The following BBX variants were observed in gnomAD, a reference collection of about 807,000 sequenced individuals.
BBX encodes BBX high mobility group box domain containing.
BBX carries 30 observed loss-of-function variants against 100.2 expected under a neutral mutation model. The ratio of observed to expected loss-of-function variants is 0.30; its 90% CI spans 0.22 to 0.41. The LOEUF is 0.41. Ranked by LOEUF, BBX falls within the 10% of genes least tolerant of loss-of-function variation. BBX has a pLI of 1.00. For missense variants in BBX, 1,023 were observed against 1,129.8 expected, an observed-to-expected ratio of 0.91 and a Z score of 1.35; for synonymous variants, 376 against 388.1, an observed-to-expected ratio of 0.97 and a Z score of 0.37.
intron 13 of BBX, among the ~76,000 whole-genome samples, chr3:107,784,375 G>T (rs2068207125): frequency 6.6e-6 from 1 of 151,752 alleles, no homozygotes; most frequent in African/African-American, 2.4e-5. Context: ...AAGCATACAT[G>T]GAACAATCTC....
intron 2 of BBX, among the ~76,000 whole-genome samples, chr3:107,542,739 T>G (rs1255744028): frequency 6.6e-6 from 1 of 152,100 alleles, no homozygotes. Context: ...TGGTAAATGG[T>G]GTTGCTGGCA....
At chr3:107,626,295 C>G (rs936951236) in intron 2 of BBX, among the ~76,000 whole-genome samples, 1 of 152,126 alleles carries the variant, frequency 6.6e-6, no homozygotes, top group African/African-American at 2.4e-5. Flanking sequence ...AAAAGATATT[C>G]CTGTTCCTAG....
intron 8 of BBX, among the ~76,000 whole-genome samples, chr3:107,745,559 T>C (rs1300603010): frequency 6.6e-6 from 1 of 152,076 alleles, no homozygotes; most frequent in Non-Finnish European, 1.5e-5. Context: ...ACTCCTGGGC[T>C]CAAGGGATCC....
At chr3:107,727,435 A>T (rs934123498) in intron 5 of BBX, among the ~76,000 whole-genome samples, 2 of 152,040 alleles carry the variant, frequency 1.3e-5, no homozygotes, top group East Asian at 1.9e-4. Flanking sequence ...CTGCTTTTTG[A>T]TGGTGAATTC....
chr3:107,693,717 TC>T (rs2060358541), intron 3 of BBX, among the ~76,000 whole-genome samples: 1 of 151,880 alleles, frequency 6.6e-6, no homozygotes, highest in African/African-American at 2.4e-5. Flanking sequence ...TTAAAGTGGT[TC>T]TTTCCAATTC....
intron 2 of BBX, among the ~76,000 whole-genome samples, chr3:107,636,628 C>T (rs1264564726): frequency 6.6e-6 from 1 of 152,086 alleles, no homozygotes; most frequent in Non-Finnish European, 1.5e-5. Context: ...ATAATTGGTG[C>T]CCCCGGAGTT....
intron 2 of BBX, among the ~76,000 whole-genome samples, chr3:107,611,446 TTGTC>T (rs1286719601): frequency 6.6e-6 from 1 of 152,206 alleles, no homozygotes; most frequent in Non-Finnish European, 1.5e-5. Context: ...CAGCTTTTGT[TTGTC>T]TGGGGAAGTC....
intron 10 of BBX, among the ~76,000 whole-genome samples, chr3:107,764,048 A>G (rs1338736393): frequency 6.6e-6 from 1 of 152,094 alleles, no homozygotes; most frequent in Non-Finnish European, 1.5e-5. Flanking sequence ...GCTGGAGTGC[A>G]GTGGCACGAT....
intron 3 of BBX, among the ~76,000 whole-genome samples, chr3:107,673,625 A>T (rs958236035): frequency 6.6e-6 from 1 of 152,160 alleles, no homozygotes; most frequent in African/African-American, 2.4e-5. Flanking sequence ...ATGCCTCCTT[A>T]CAATAAAGTT....
chr3:107,677,697 C>G (rs1359157196), intron 3 of BBX, among the ~76,000 whole-genome samples: 5 of 152,104 alleles, frequency 3.3e-5, no homozygotes, highest in Non-Finnish European at 7.4e-5. Flanking sequence ...CTATGATATT[C>G]AGTAACTTGG....
intron 7 of BBX, among the ~76,000 whole-genome samples, chr3:107,735,299 C>G (rs1039011381): frequency 6.6e-6 from 1 of 152,020 alleles, no homozygotes; most frequent in African/African-American, 2.4e-5. Context: ...TAAATATGTA[C>G]TTATGTTTTC....
At chr3:107,768,386 A>G (rs903285063) in intron 10 of BBX, among the ~76,000 whole-genome samples, 5 of 152,222 alleles carry the variant, frequency 3.3e-5, no homozygotes, top group Non-Finnish European at 7.3e-5. Context: ...AATGGATTAG[A>G]AAAAACATTC....
intron 3 of BBX, among the ~76,000 whole-genome samples, chr3:107,697,226 T>C (rs997787123): frequency 3.9e-5 from 6 of 151,926 alleles, no homozygotes; most frequent in Admixed American, 6.5e-5. Context: ...TCCAGCTTTG[T>C]TCTGTTGCTG....
Position 107,716,722 on chromosome 3 carries a change from G to A in BBX, c.278G>A (p.Arg93His), listed in dbSNP as rs749597573. ...PMNAFLLFCK[R>H]HRSLVRQEHP... ...AATGCATTTCTTTTATTTTGCAAAC[G>A]CCATCGCTCTCTTGTACGTCAGGAA... Residue 93 changes from arginine (R) to histidine (H), a missense_variant, in exon 5 of 18, where the codon CGC (arginine) becomes CAC (histidine). Transcript: ENST00000325805. 9 of 1,613,712 alleles carry A rather than the reference G, an allele frequency of 5.6e-6. No homozygotes were observed. Among genetic ancestry groups the A allele is most frequent in the South Asian group, 2.2e-5 (2 of 91,068 alleles).
chr3:107,610,756 G>A (rs938478848), intron 2 of BBX, among the ~76,000 whole-genome samples: 2 of 148,982 alleles, frequency 1.3e-5, no homozygotes, highest in Non-Finnish European at 3.0e-5. Context: ...TATATGTGAA[G>A]TATATTTCTT....
intron 10 of BBX, among the ~76,000 whole-genome samples, chr3:107,764,142 G>A (rs780508851): frequency 1.9e-4 from 29 of 152,110 alleles, no homozygotes; most frequent in Non-Finnish European, 3.4e-4. Context: ...ACAGGCGCCC[G>A]CCACCATGCC....
At chr3:107,616,116 G>A (rs1250125008) in intron 2 of BBX, among the ~76,000 whole-genome samples, 2 of 140,928 alleles carry the variant, frequency 1.4e-5, no homozygotes, top group South Asian at 2.3e-4. Flanking sequence ...TTCACATGTC[G>A]TTATCAGAAA....
At chr3:107,748,996 A>G (rs1352273851) in intron 9 of BBX, among the ~76,000 whole-genome samples, 1 of 151,632 alleles carries the variant, frequency 6.6e-6, no homozygotes, top group Non-Finnish European at 1.5e-5. Context: ...TGGCTCTTAC[A>G]TTAAAAAAAA....
At chr3:107,705,581 G>A (rs2061344778) in intron 3 of BBX, among the ~76,000 whole-genome samples, 1 of 152,180 alleles carries the variant, frequency 6.6e-6, no homozygotes, top group Non-Finnish European at 1.5e-5. Context: ...CATCTGGGCA[G>A]CATATGGATC....
Sources: gnomAD v4.1 joint callset for allele counts (sites outside exome capture counted in the v4.1 genomes callset) on GRCh38, gnomAD v4.1.1 for gene constraint, MANE v1.5 for transcripts, NCBI Gene and HGNC (gene_info 2026-07-23, HGNC 2026-07-21) for gene names.